Variants in ZNF254 observed in about 807,000 individuals in gnomAD.
ZNF254 encodes the protein CTD-2017D11.1.
Under a neutral mutation model 12.4 loss-of-function variants are expected in ZNF254, and 10 were observed. That is an observed-to-expected ratio of 0.80 (90% CI 0.50 to 1.36). The LOEUF (loss-of-function observed/expected upper bound fraction) is 1.36, where lower values mean the gene tolerates loss of function less well. Ranked by LOEUF, ZNF254 falls within the 40% of genes most tolerant of loss-of-function variation. The probability of loss-of-function intolerance (pLI) is 0.00; values close to 1 mark genes in which losing one functional copy is unlikely to be tolerated. For synonymous variants in ZNF254, 305 were observed against 253.4 expected, an observed-to-expected ratio of 1.20 and a Z score of -1.93; for missense variants, 996 against 763.9, an observed-to-expected ratio of 1.30 and a Z score of -3.58.
At chr19:24,091,005 G>A (rs1384475785) in intron 1 of ZNF254, among the ~76,000 whole-genome samples, 1 of 135,216 alleles carries the variant, frequency 7.4e-6, no homozygotes, top group Non-Finnish European at 1.5e-5. Context: ...CTGGAGTGCA[G>A]TGGCGCCACT....
rs548949761 is a variant in ZNF254 at position 24,128,411 on chromosome 19, A to T, written c.*431A>T. The T allele has an allele frequency of 1.7e-4, 27 of 156,750 alleles. No homozygotes were observed. The South Asian group carries it at 5.4e-3, about 32-fold the overall frequency. 9.7% of individuals were successfully genotyped at this position (156,750 alleles called of 1,614,324 possible). On this transcript the variant is annotated 3_prime_UTR_variant, in exon 4 of 4. Coordinates refer to ENST00000357002, the MANE Select transcript of ZNF254 (RefSeq NM_203282.4). ...ACTCTCAGAAGATCTGTCAGAAAGT[A>T]TGTCTTTAAAGTATAGAAGAGCATT...
chr19:24,043,381 C>T (rs976355093), intron 1 of ZNF254, among the ~76,000 whole-genome samples: 1 of 152,132 alleles, frequency 6.6e-6, no homozygotes, highest in Non-Finnish European at 1.5e-5. Flanking sequence ...CCTGTCTCAG[C>T]CTCCCGAGTA....
At chr19:24,094,966 C>T (rs1309412098) in intron 1 of ZNF254, among the ~76,000 whole-genome samples, 1 of 152,212 alleles carries the variant, frequency 6.6e-6, no homozygotes, top group Non-Finnish European at 1.5e-5. Flanking sequence ...GAATTACAGG[C>T]ATGAGCCACT....
At chr19:24,097,569 G>A (rs1428367280) in intron 1 of ZNF254, among the ~76,000 whole-genome samples, 1 of 151,992 alleles carries the variant, frequency 6.6e-6, no homozygotes, top group Non-Finnish European at 1.5e-5. Flanking sequence ...ATCACCTGAG[G>A]TTGGGAGTTC....
chr19:24,035,546 C>T (rs1245470992), intron 1 of ZNF254, among the ~76,000 whole-genome samples: 3 of 152,114 alleles, frequency 2.0e-5, no homozygotes, highest in Non-Finnish European at 2.9e-5. Flanking sequence ...CTTGGTGGCA[C>T]GCTGTATTCC....
intron 1 of ZNF254, among the ~76,000 whole-genome samples, chr19:24,034,722 C>G (rs1224257504): frequency 6.6e-6 from 1 of 151,854 alleles, no homozygotes; most frequent in Non-Finnish European, 1.5e-5. Flanking sequence ...GGTAATCCAC[C>G]CACCTCGGCC....
chr19:24,069,813 G>A (rs1404715759), intron 2 of ZNF254, among the ~76,000 whole-genome samples: 1 of 151,880 alleles, frequency 6.6e-6, no homozygotes, highest in African/African-American at 2.4e-5. Flanking sequence ...TTAGCCAGAT[G>A]TGGTGGCACA....
chr19:24,106,091 T>G (rs762816293), intron 2 of ZNF254, 25 bp downstream of exon 2: 4 of 1,555,320 alleles, frequency 2.6e-6, no homozygotes, highest in Non-Finnish European at 3.5e-6. Flanking sequence ...AATACAAAAT[T>G]CCTCACATAA....
Position 24,126,356 on chromosome 19 carries a change from A to G in ZNF254, c.356A>G (p.Asn119Ser), listed in dbSNP as rs760847816. 4 of 1,609,690 alleles carry G rather than the reference A, an allele frequency of 2.5e-6. No individual in the cohort carries two copies. The African/African-American group carries it at 5.4e-5, about 22-fold the overall frequency. ...LRRYGKYGHE[N>S]LQLRKGCKSV... is the part of the protein sequence containing the mutation. ...AGATATGGAAAATATGGACATGAGA[A>G]TTTACAGTTAAGAAAAGGCTGTAAA... Residue 119 changes from asparagine to serine, a missense_variant, in exon 4 of 4, where the codon AAT (asparagine) becomes AGT (serine). Coordinates refer to ENST00000357002, the MANE Select transcript of ZNF254 (RefSeq NM_203282.4).
At position 24,127,931 on chromosome 19, in the gene ZNF254, A is replaced by T; in HGVS notation, c.1931A>T (p.His644Leu). ...GGCAAAGCCTTTAATCGGTCCTCGC[A>T]CCTCACCACAGATAAGATAACTCAT... ...KFGKAFNRSS[H>L]LTTDKITHWR... The change falls in exon 4 of 4, where the codon CAC becomes CTC. Residue 644 changes from histidine (H) to leucine (L), a missense_variant. By Grantham distance (99) the His-to-Leu change is moderately conservative. Transcript: ENST00000357002. 1 of 1,599,068 alleles carries T rather than the reference A, an allele frequency of 6.3e-7. No individual in the cohort carries two copies. The highest frequency in any genetic ancestry group is 1.3e-5 in the African/African-American group (1 of 74,406).
intron 2 of ZNF254, among the ~76,000 whole-genome samples, chr19:24,055,940 C>G (rs1375919219): frequency 6.6e-6 from 1 of 152,180 alleles, no homozygotes; most frequent in Non-Finnish European, 1.5e-5. Context: ...TTCATCTCTG[C>G]ACCTTCCCAC....
At chr19:24,125,800 C>T (rs1248050521) in intron 3 of ZNF254, among the ~76,000 whole-genome samples, 1 of 152,180 alleles carries the variant, frequency 6.6e-6, no homozygotes, top group Non-Finnish European at 1.5e-5. Flanking sequence ...ACCACCATTT[C>T]TTTCAGTACT....
intron 2 of ZNF254, among the ~76,000 whole-genome samples, chr19:24,067,232 G>GTCCA (rs1369244298): frequency 6.6e-6 from 1 of 151,758 alleles, no homozygotes; most frequent in Admixed American, 6.6e-5. Context: ...TCTTCACTTT[G>GTCCA]TCCATAGGTT....
intron 1 of ZNF254, among the ~76,000 whole-genome samples, chr19:24,090,036 A>G (rs1254866827): frequency 7.1e-6 from 1 of 141,268 alleles, no homozygotes; most frequent in African/African-American, 2.6e-5. Flanking sequence ...AAAAATACGA[A>G]AAAAAAAAAA....
chr19:24,066,825 A>T (rs957615950), intron 2 of ZNF254: 2 of 152,186 alleles, frequency 1.3e-5, no homozygotes. Flanking sequence ...GCTTAAGTCC[A>T]GGAGGTGGAG....
chr19:24,105,260 T>C (rs1422542499), intron 1 of ZNF254: 1 of 169,446 alleles, frequency 5.9e-6, no homozygotes, highest in East Asian at 1.8e-4. Context: ...TGGCTGCCTT[T>C]TGTTTTTTGT....
At chr19:24,101,094 C>T (rs1043649812) in intron 1 of ZNF254, among the ~76,000 whole-genome samples, 2 of 152,168 alleles carry the variant, frequency 1.3e-5, no homozygotes, top group Non-Finnish European at 2.9e-5. Flanking sequence ...ATCCGCCTGC[C>T]TTGGACTCCC....
intron 2 of ZNF254, among the ~76,000 whole-genome samples, chr19:24,052,588 A>G (rs1282802900): frequency 2.0e-5 from 3 of 152,126 alleles, no homozygotes. Flanking sequence ...TCATTGTAAC[A>G]TGTCACTGGG....
rs539431951 is a variant in ZNF254, at chr19:24,093,145, CT to C, written c.30+5816del. Among the ~76,000 whole-genome samples the C allele has an allele frequency of 5.9e-5, 9 of 151,766 alleles. No homozygotes were observed. The East Asian group carries it at 1.5e-3, about 26-fold the overall frequency. Reference sequence around the variant, plus strand: ...TTTTTTGTCTGCTTTTTAGTGAGGTCTTTTTTTTCTTGTAAACTTAAGATTT... The same window carrying C: ...TTTTTTGTCTGCTTTTTAGTGAGGTCTTTTTTTCTTGTAAACTTAAGATTT... On this transcript the variant is annotated intron_variant, in intron 1 of 3. Coordinates refer to ENST00000357002, the MANE Select transcript of ZNF254 (RefSeq NM_203282.4).
Sources: allele counts gnomAD v4.1 joint callset (sites outside exome capture counted in the v4.1 genomes callset), GRCh38; gene constraint gnomAD v4.1.1; transcripts MANE v1.5; gene names NCBI Gene and HGNC (gene_info 2026-07-23, HGNC 2026-07-21).